FRAS1: variants seen among roughly 807,000 people sequenced by gnomAD.
The protein encoded by FRAS1 is Fraser extracellular matrix complex subunit 1.
FRAS1 carries 290 observed loss-of-function variants against 435.2 expected under a neutral mutation model. The ratio of observed to expected loss-of-function variants is 0.67; its 90% CI spans 0.61 to 0.73. FRAS1 has a LOEUF of 0.73. FRAS1 is among the 30% of genes least tolerant of loss of function. FRAS1 has a pLI of 0.00. For synonymous variants in FRAS1, 1,800 were observed against 1,851.0 expected, an observed-to-expected ratio of 0.97 and a Z score of 0.71; for missense variants, 4,860 against 5,001.5, an observed-to-expected ratio of 0.97 and a Z score of 0.85.
At chr4:78,323,952 C>T (rs1183410054) in intron 18 of FRAS1, among the ~76,000 whole-genome samples, 3 of 151,928 alleles carry the variant, frequency 2.0e-5, no homozygotes, top group East Asian at 1.9e-4. Context: ...AAGATTCAGT[C>T]GGGTGGGGGT....
chr4:78,282,219 G>T (rs1727363316), intron 11 of FRAS1, among the ~76,000 whole-genome samples: 1 of 152,058 alleles, frequency 6.6e-6, no homozygotes, highest in Non-Finnish European at 1.5e-5. Flanking sequence ...TTCAATTTGG[G>T]TTCTCTGCCG....
intron 63 of FRAS1, 61 bp downstream of exon 63, chr4:78,509,067 G>A (rs1356363101): frequency 1.5e-6 from 2 of 1,366,552 alleles, no homozygotes; most frequent in Non-Finnish European, 2.1e-6. Context: ...GTTGTTCTTT[G>A]TTACTCAGAT....
chr4:78,300,455 A>G (rs1412901338), intron 14 of FRAS1, among the ~76,000 whole-genome samples: 2 of 152,190 alleles, frequency 1.3e-5, no homozygotes, highest in African/African-American at 4.8e-5. Flanking sequence ...CGGTCTCACA[A>G]GGGAACCAGA....
At chr4:78,246,627 T>C (rs781103159) in intron 4 of FRAS1, among the ~76,000 whole-genome samples, 15 of 152,162 alleles carry the variant, frequency 9.9e-5, no homozygotes, top group Non-Finnish European at 1.5e-4. Context: ...ATGAAAATAA[T>C]GCCAGTTCCG....
intron 20 of FRAS1, among the ~76,000 whole-genome samples, chr4:78,357,572 TG>T (rs1387485468): frequency 1.3e-5 from 2 of 151,808 alleles, no homozygotes; most frequent in Non-Finnish European, 2.9e-5. Context: ...GTTGTGTTGG[TG>T]GGGGGCCTGG....
At chr4:78,071,937 C>G (rs1430595511) in intron 2 of FRAS1, 2 of 152,020 alleles carry the variant, frequency 1.3e-5, no homozygotes, top group African/African-American at 2.4e-5. Flanking sequence ...CCTAAGTTTG[C>G]TGTTTTTGTT....
At chr4:78,234,326 C>T (rs560384351) in intron 2 of FRAS1, among the ~76,000 whole-genome samples, 9 of 152,094 alleles carry the variant, frequency 5.9e-5, no homozygotes, top group Middle Eastern at 3.4e-3. Flanking sequence ...CCCGGGTTCA[C>T]GCCATTCTCC....
chr4:78,328,151 T>G (rs1368938320), intron 18 of FRAS1, among the ~76,000 whole-genome samples: 1 of 152,226 alleles, frequency 6.6e-6, no homozygotes, highest in East Asian at 1.9e-4. Context: ...CTTGTTTGTC[T>G]TCTTTACTTT....
In FRAS1 at chr4:78,286,261, G is replaced by A. The variant is rs188076581; in HGVS notation, c.1400-144G>A. On this transcript the variant is annotated intron_variant, in intron 13 of 73. Transcript: ENST00000512123. ...GACATGAACTGTGTGCTATACAGATGATGGCTGTTAAAATTATTTTTCTGC... is the reference window on the plus strand; with the variant it reads ...GACATGAACTGTGTGCTATACAGATAATGGCTGTTAAAATTATTTTTCTGC... 5,656 of 869,136 alleles carry A rather than the reference G, an allele frequency of 6.5e-3. 22 individuals are homozygous for A. The highest frequency in any genetic ancestry group is 9.2e-3 in the Non-Finnish European group (4,784 of 519,142). 53.8% of individuals were successfully genotyped at this position (869,136 alleles called of 1,614,324 possible). A position where few individuals can be genotyped will look rare whatever the true frequency, so the allele number is the denominator to read the frequency against.
intron 63 of FRAS1, among the ~76,000 whole-genome samples, chr4:78,510,648 T>G (rs1721006735): frequency 6.6e-6 from 1 of 152,202 alleles, no homozygotes; most frequent in African/African-American, 2.4e-5. Context: ...TGCCTCTGCA[T>G]AGATTGAGTT....
At chr4:78,184,449 ACTGTTCTTAG>A (rs1375497055) in intron 2 of FRAS1, among the ~76,000 whole-genome samples, 3 of 152,156 alleles carry the variant, frequency 2.0e-5, no homozygotes, top group Non-Finnish European at 2.9e-5. Context: ...ACTTGTAAAA[ACTGTTCTTAG>A]CTTGTGGGCA....
At chr4:78,059,856 A>G (rs1356663639) in intron 1 of FRAS1, among the ~76,000 whole-genome samples, 1 of 95,052 alleles carries the variant, frequency 1.1e-5, no homozygotes, top group Non-Finnish European at 2.0e-5. Flanking sequence ...GGATGGGGGG[A>G]TGTGAAGCAC....
At chr4:78,280,658 T>C (rs1263358489) in intron 10 of FRAS1, among the ~76,000 whole-genome samples, 1 of 151,842 alleles carries the variant, frequency 6.6e-6, no homozygotes, top group East Asian at 1.9e-4. Flanking sequence ...GGAGGCAGTA[T>C]TGTGTAGTGT....
At chr4:78,374,020 G>C in intron 24 of FRAS1, 91 bp from the exon 25 acceptor site, 1 of 1,302,174 alleles carries the variant, frequency 7.7e-7, no homozygotes, top group Non-Finnish European at 1.1e-6. Context: ...AGGCTGTACT[G>C]CTGCTGGACA....
At chr4:78,533,000 G>C (rs1721767375) in intron 70 of FRAS1, among the ~76,000 whole-genome samples, 1 of 152,162 alleles carries the variant, frequency 6.6e-6, no homozygotes, top group African/African-American at 2.4e-5. Context: ...TATATACCAG[G>C]AATAGGGATT....
At chr4:78,439,701 C>T (rs1734576680) in intron 40 of FRAS1, among the ~76,000 whole-genome samples, 1 of 151,932 alleles carries the variant, frequency 6.6e-6, no homozygotes. Context: ...CACTGTGTTG[C>T]CCAGGCTGAA....
chr4:78,466,925 A>T (rs973055759), intron 50 of FRAS1, among the ~76,000 whole-genome samples: 1 of 152,106 alleles, frequency 6.6e-6, no homozygotes, highest in African/African-American at 2.4e-5. Context: ...TTGATTTTTT[A>T]AAATAATTTT....
chr4:78,363,566 A>G lies in FRAS1; in HGVS notation c.2476A>G (p.Ile826Val), dbSNP rs1404235791. 2 of 1,613,144 alleles carry G rather than the reference A, an allele frequency of 1.2e-6. No individual in the cohort carries two copies. Among genetic ancestry groups the G allele is most frequent in the Non-Finnish European group, 1.7e-6 (2 of 1,179,636 alleles). Residue 826 changes from isoleucine to valine, a missense_variant, in exon 21 of 74, where the codon ATC becomes GTC. By Grantham distance (29) the Ile-to-Val change is conservative. Coordinates refer to ENST00000512123, the MANE Select transcript of FRAS1 (RefSeq NM_025074.7). The part of the protein sequence containing the change: ...CAADLHNTGS[I>V]CLRCQNAHYL... ...AGCTGATCTCCACAACACTGGGAGC[A>G]TCTGCCTCAGGTGCCAGAATGCCCA...
In FRAS1 at chr4:78,356,707, GT is replaced by G. The variant is rs561657729; in HGVS notation, c.2423-6803del. 4.1e-4 allele frequency among the ~76,000 whole-genome samples: 63 copies of G among 152,204 alleles called. No individual in the cohort carries two copies. The South Asian group carries it at 0.013, about 31-fold the overall frequency. ...AGCCTGCTTTCCTCCTCCAGCAAGG[GT>G]TTCATGGCAAGAGCTGTTGTATGTC... On this transcript the variant is annotated intron_variant, in intron 20 of 73. Coordinates refer to ENST00000512123, the MANE Select transcript of FRAS1 (RefSeq NM_025074.7).
Sources: gnomAD v4.1 joint callset for allele counts (sites outside exome capture counted in the v4.1 genomes callset) on GRCh38, gnomAD v4.1.1 for gene constraint, MANE v1.5 for transcripts, NCBI Gene and HGNC (gene_info 2026-07-23, HGNC 2026-07-21) for gene names.